The following MANSC1 variants were observed in gnomAD, a reference collection of about 807,000 sequenced individuals.
MANSC1 encodes the protein MANSC domain-containing protein 1.
Under a neutral mutation model 14.1 loss-of-function variants are expected in MANSC1, and 13 were observed. The observed-to-expected ratio is 0.92, with a 90% CI of 0.60 to 1.46. MANSC1 has a LOEUF of 1.46. Ranked by LOEUF, MANSC1 falls within the 40% of genes most tolerant of loss-of-function variation. The probability of loss-of-function intolerance (pLI) is 0.00; values close to 1 mark genes in which losing one functional copy is unlikely to be tolerated. For missense variants in MANSC1, 486 were observed against 511.4 expected, an observed-to-expected ratio of 0.95 and a Z score of 0.48; for synonymous variants, 227 against 200.7, an observed-to-expected ratio of 1.13 and a Z score of -1.11.
Position 12,330,204 on chromosome 12 carries a change from T to C in MANSC1, c.1119A>G (p.Pro373=). The C allele has an allele frequency of 6.2e-7, 1 of 1,614,234 alleles. No homozygotes were observed. Among genetic ancestry groups the C allele is most frequent in the Non-Finnish European group, 8.5e-7 (1 of 1,180,052 alleles). ...SPGSSSQGSV[P]ENQYGLPFEK... ...CAAATGGAAGGCCGTACTGATTTTCTGGAACACTGCCCTGGGAGGAACTGC... is the reference window on the plus strand; with the variant it reads ...CAAATGGAAGGCCGTACTGATTTTCCGGAACACTGCCCTGGGAGGAACTGC... The change falls in exon 4 of 4, where the codon CCA becomes CCG. Residue 373 remains proline (P), a synonymous_variant. Transcript: ENST00000535902.
At chr12:12,344,015 A>C (rs575396810) in intron 1 of MANSC1, among the ~76,000 whole-genome samples, 1 of 152,082 alleles carries the variant, frequency 6.6e-6, no homozygotes, top group Non-Finnish European at 1.5e-5. Flanking sequence ...TGGGAGGCTG[A>C]GGTGGGAGGA....
In MANSC1 at chr12:12,329,895, A is replaced by AG; in HGVS notation, c.*131_*132insC. The stretch of plus-strand genomic sequence containing the variant: ...AGCAAGACTCTGTCTCCAAAAAAAA[A>AG]AAAGGAAAGCAGAAGGGGGCATTTT... On this transcript the variant is annotated 3_prime_UTR_variant, in exon 4 of 4. Coordinates refer to ENST00000535902, the MANE Select transcript of MANSC1 (RefSeq NM_018050.4). 2.6e-6 allele frequency: 2 copies of AG among 762,738 alleles called. No individual in the cohort carries two copies. The highest frequency in any genetic ancestry group is 5.4e-5 in the East Asian group (2 of 37,200). 47.2% of individuals were successfully genotyped at this position (762,738 alleles called of 1,614,324 possible). A position where few individuals can be genotyped will look rare whatever the true frequency, so the allele number is the denominator to read the frequency against.
rs17375215 is a variant in MANSC1 at position 12,330,830 on chromosome 12, C to T, written c.493G>A (p.Asp165Asn). ...HHHTDYSKPT[D>N]ISWRDTLSQK... ...GAAAGTGTGTCTCTCCATGAGATAT[C>T]GGTGGGCTTTGAATAATCTGTGTGA... The change falls in exon 4 of 4, where the codon GAT (aspartate) becomes AAT (asparagine). Residue 165 changes from aspartate to asparagine, a missense_variant. Transcript: ENST00000535902. 133,139 of 1,613,672 alleles carry T rather than the reference C, an allele frequency of 0.083. 6,249 individuals carry two copies. The highest frequency in any genetic ancestry group is 0.13 in the South Asian group (12,173 of 91,052).
intron 1 of MANSC1, chr12:12,348,223 T>C (rs1039159027): frequency 2.0e-5 from 3 of 152,202 alleles, no homozygotes; most frequent in Non-Finnish European, 4.4e-5. Context: ...CTCAAATGAA[T>C]TGAAAACTTA....
At position 12,350,060 on chromosome 12, in the gene MANSC1, T is replaced by C. The variant is rs1377678674; in HGVS notation, c.-101+18A>G. 2 of 152,294 alleles carry C rather than the reference T, an allele frequency of 1.3e-5. No homozygotes were observed. The highest frequency in any genetic ancestry group is 4.8e-5 in the African/African-American group (2 of 41,446). The allele number at this position is 152,294 out of a possible 1,614,324, so 9.4% of individuals were successfully genotyped here. A position where few individuals can be genotyped will look rare whatever the true frequency, so the allele number is the denominator to read the frequency against. ...GCCTGCGGCCGGTCGGGGGTGGGTA[T>C]TGGGGAGACCCCTTTACCTGGCGTC... On this transcript the variant is annotated intron_variant, in intron 1 of 3. Transcript: ENST00000535902.
intron 1 of MANSC1, among the ~76,000 whole-genome samples, chr12:12,343,757 A>C (rs537266690): frequency 6.6e-6 from 1 of 152,192 alleles, no homozygotes; most frequent in Non-Finnish European, 1.5e-5. Context: ...TCACTGATGA[A>C]GCAGTAGTAA....
intron 3 of MANSC1, among the ~76,000 whole-genome samples, chr12:12,334,294 A>G (rs1441492356): frequency 6.6e-6 from 1 of 152,018 alleles, no homozygotes; most frequent in Non-Finnish European, 1.5e-5. Context: ...AAAAGAAAAA[A>G]AAAAAGAGAG....
At chr12:12,331,002 T>G in intron 3 of MANSC1, 44 bp from the exon 4 acceptor site, 1 of 1,185,786 alleles carries the variant, frequency 8.4e-7, no homozygotes, top group South Asian at 1.5e-5. Flanking sequence ...TGTAACTCCA[T>G]GCTACGGTAG....
intron 3 of MANSC1, among the ~76,000 whole-genome samples, chr12:12,333,109 C>A (rs938020645): frequency 6.6e-6 from 1 of 151,926 alleles, no homozygotes; most frequent in African/African-American, 2.4e-5. Flanking sequence ...TGCAGTGGCA[C>A]AAACACAGCT....
rs1407583377 is a variant in MANSC1 at position 12,329,113 on chromosome 12, A to G, written c.*914T>C. On this transcript the variant is annotated 3_prime_UTR_variant, in exon 4 of 4. Coordinates refer to ENST00000535902, the MANE Select transcript of MANSC1 (RefSeq NM_018050.4). ...TCCATGTGGGCTAACATTCCGCTAG[A>G]TTCTCCCAAGTGAAGCTCTTTGCTC... The G allele has an allele frequency of 6.6e-6, 1 of 152,060 alleles. No homozygotes were observed. Among genetic ancestry groups the G allele is most frequent in the Non-Finnish European group, 1.5e-5 (1 of 68,030 alleles). The allele number at this position is 152,060 out of a possible 1,614,324, so 9.4% of individuals were successfully genotyped here.
At chr12:12,337,115 C>CA (rs59550266) in intron 3 of MANSC1, among the ~76,000 whole-genome samples, 86 of 148,226 alleles carry the variant, frequency 5.8e-4, no homozygotes, top group Middle Eastern at 3.4e-3. Context: ...ACTAAAAATA[C>CA]AAAAAAAAAA....
chr12:12,335,641 T>C (rs1427471261), intron 3 of MANSC1, among the ~76,000 whole-genome samples: 1 of 149,880 alleles, frequency 6.7e-6, no homozygotes, highest in Non-Finnish European at 1.5e-5. Flanking sequence ...GTCAGGAATT[T>C]GAGACCAGCC....
At chr12:12,338,607 A>G (rs763704399) in intron 2 of MANSC1, 47 bp from the exon 3 acceptor site, 4 of 1,595,704 alleles carry the variant, frequency 2.5e-6, no homozygotes, top group Admixed American at 3.5e-5. Context: ...GCGATTTTCT[A>G]AAGAGTAGGG....
At position 12,336,252 on chromosome 12, in the gene MANSC1, C is replaced by T. The variant is rs114180796; in HGVS notation, c.364+2168G>A. 5.9e-3 allele frequency among the ~76,000 whole-genome samples: 903 copies of T among 152,308 alleles called. 8 individuals are homozygous for T. The highest frequency in any genetic ancestry group is 0.02 in the African/African-American group (828 of 41,562). Reference sequence around the variant, plus strand: ...CTCTGCGTATTTCACAATGAGTCAACCAGCTGGGATTGGAGTGTTGGTTTT... The same window carrying T: ...CTCTGCGTATTTCACAATGAGTCAATCAGCTGGGATTGGAGTGTTGGTTTT... On this transcript the variant is annotated intron_variant, in intron 3 of 3. Transcript: ENST00000535902.
intron 3 of MANSC1, among the ~76,000 whole-genome samples, chr12:12,334,394 G>A (rs1862831371): frequency 6.6e-6 from 1 of 152,142 alleles, no homozygotes; most frequent in South Asian, 2.1e-4. Flanking sequence ...CAGGCAGGAG[G>A]CAGATAATTC....
At chr12:12,338,752 G>T in intron 2 of MANSC1, 192 bp from the exon 3 acceptor site, 3 of 606,616 alleles carry the variant, frequency 4.9e-6, no homozygotes, top group Non-Finnish European at 8.5e-6. Context: ...AAAACATTGG[G>T]TTTAGCTTTT....
intron 1 of MANSC1, among the ~76,000 whole-genome samples, chr12:12,347,776 C>T (rs1026236303): frequency 2.0e-5 from 3 of 152,162 alleles, no homozygotes; most frequent in African/African-American, 7.2e-5. Context: ...CAGAAATTCT[C>T]GCCTGGGCGC....
intron 3 of MANSC1, among the ~76,000 whole-genome samples, chr12:12,334,746 C>T (rs2111280): frequency 0.21 from 32,008 of 152,148 alleles, 3,579 homozygotes; most frequent in East Asian, 0.3. Context: ...TAACAACACT[C>T]CAGAAGTATT....
intron 2 of MANSC1, among the ~76,000 whole-genome samples, chr12:12,340,970 G>A (rs1014920960): frequency 1.3e-5 from 2 of 152,016 alleles, no homozygotes; most frequent in Admixed American, 6.5e-5. Context: ...CCAAGTATAC[G>A]GTGTCTTCTC....
Sources: allele counts gnomAD v4.1 joint callset (sites outside exome capture counted in the v4.1 genomes callset), GRCh38; gene constraint gnomAD v4.1.1; transcripts MANE v1.5; gene names NCBI Gene and HGNC (gene_info 2026-07-23, HGNC 2026-07-21).